ANKS1B: variants seen among roughly 807,000 people sequenced by gnomAD.
ANKS1B encodes ankyrin repeat and sterile alpha motif domain-containing protein 1B.
Under a neutral mutation model 148.3 loss-of-function variants are expected in ANKS1B, and 36 were observed. The ratio of observed to expected loss-of-function variants is 0.24; its 90% CI spans 0.19 to 0.32. The LOEUF (loss-of-function observed/expected upper bound fraction) is 0.32. Ranked by LOEUF, ANKS1B falls within the 10% of genes least tolerant of loss-of-function variation. The pLI is 1.00. For missense variants in ANKS1B, 1,157 were observed against 1,542.6 expected (o/e 0.75, Z 4.19); for synonymous variants, 542 against 560.8 (o/e 0.97, Z 0.47).
At chr12:99,867,581 G>A (rs1334515632) in intron 1 of ANKS1B, among the ~76,000 whole-genome samples, 1 of 152,110 alleles carries the variant, frequency 6.6e-6, no homozygotes, top group African/African-American at 2.4e-5. Context: ...AAAACCATCA[G>A]ATCTCACAAG....
At chr12:98,898,065 G>T (rs1174939424) in intron 17 of ANKS1B, among the ~76,000 whole-genome samples, 1 of 152,184 alleles carries the variant, frequency 6.6e-6, no homozygotes, top group East Asian at 1.9e-4. Context: ...AAGCAGGGAG[G>T]ATGGGAGGGG....
At position 99,457,332 on chromosome 12, in the gene ANKS1B, A is replaced by G. The variant is rs149907675; in HGVS notation, c.1439-13523T>C. 2.1e-4 allele frequency among the ~76,000 whole-genome samples: 32 copies of G among 152,162 alleles called. 1 individual carries two copies. The East Asian group carries it at 6.2e-3, about 29-fold the overall frequency. ...AAAATAGAATCTCCTTAAAGCACAAATCTCACAGGACCTATAAAACAACAA... is the reference window on the plus strand; with the variant it reads ...AAAATAGAATCTCCTTAAAGCACAAGTCTCACAGGACCTATAAAACAACAA... On this transcript the variant is annotated intron_variant, in intron 10 of 26. Transcript: ENST00000683438.
chr12:99,587,044 T>C (rs895421131), intron 9 of ANKS1B, among the ~76,000 whole-genome samples: 2 of 152,180 alleles, frequency 1.3e-5, no homozygotes, highest in African/African-American at 4.8e-5. Context: ...TGTACTCTAT[T>C]ATTGGTAATA....
At chr12:99,362,418 A>G (rs1444199481) in intron 12 of ANKS1B, among the ~76,000 whole-genome samples, 1 of 152,016 alleles carries the variant, frequency 6.6e-6, no homozygotes, top group Non-Finnish European at 1.5e-5. Context: ...TTAGAAACAT[A>G]AAATACATTG....
intron 14 of ANKS1B, among the ~76,000 whole-genome samples, chr12:99,168,674 C>A (rs1248923086): frequency 6.6e-6 from 1 of 152,114 alleles, no homozygotes; most frequent in Admixed American, 6.6e-5. Context: ...AGGGAACAAG[C>A]CATTCCAGCA....
chr12:99,752,988 T>C (rs778465720), intron 8 of ANKS1B, among the ~76,000 whole-genome samples: 7 of 152,122 alleles, frequency 4.6e-5, no homozygotes, highest in Non-Finnish European at 8.8e-5. Context: ...ATAAATAATA[T>C]ACTTTGAAAC....
chr12:98,943,669 G>A (rs781720012), intron 17 of ANKS1B, among the ~76,000 whole-genome samples: 7 of 152,124 alleles, frequency 4.6e-5, no homozygotes, highest in Non-Finnish European at 1.0e-4. Flanking sequence ...ACCTTTGTGT[G>A]ATTAAGCCCA....
chr12:99,174,581 T>C (rs370453936), intron 14 of ANKS1B, among the ~76,000 whole-genome samples: 218 of 152,268 alleles, frequency 1.4e-3, no homozygotes, highest in South Asian at 2.5e-3. Flanking sequence ...GGCATAAGAT[T>C]GCAAAGACTT....
chr12:99,950,113 A>ATTTT (rs35287842), intron 1 of ANKS1B, among the ~76,000 whole-genome samples: 7 of 90,548 alleles, frequency 7.7e-5, no homozygotes, highest in African/African-American at 2.0e-4. Flanking sequence ...TGCTCAGTTA[A>ATTTT]TTTTTTTTTT....
intron 12 of ANKS1B, among the ~76,000 whole-genome samples, chr12:99,316,052 T>G (rs147000995): frequency 0.017 from 2,633 of 152,336 alleles, 83 homozygotes; most frequent in African/African-American, 0.06. Context: ...TGCCACATTT[T>G]CTTTATTCAG....
intron 10 of ANKS1B, among the ~76,000 whole-genome samples, chr12:99,502,894 C>CA (rs2153001108): frequency 6.6e-6 from 1 of 152,264 alleles, no homozygotes; most frequent in South Asian, 2.1e-4. Context: ...TTCACTTGTA[C>CA]AAAATTCCCT....
At chr12:99,344,776 A>G (rs1037804121) in intron 12 of ANKS1B, 4 of 152,052 alleles carry the variant, frequency 2.6e-5, no homozygotes, top group Non-Finnish European at 5.9e-5. Context: ...TAATATTTCA[A>G]TTAGCTAAAA....
At chr12:99,123,940 T>G (rs1209001176) in intron 15 of ANKS1B, among the ~76,000 whole-genome samples, 1 of 152,064 alleles carries the variant, frequency 6.6e-6, no homozygotes, top group Non-Finnish European at 1.5e-5. Context: ...TGACACTCAA[T>G]TGTAACCATC....
intron 12 of ANKS1B, among the ~76,000 whole-genome samples, chr12:99,257,579 T>C (rs542204787): frequency 6.6e-6 from 1 of 152,272 alleles, no homozygotes; most frequent in African/African-American, 2.4e-5. Context: ...TATTTAAATA[T>C]TTTGTTTATA....
chr12:99,859,937 C>T (rs141776461), intron 1 of ANKS1B, among the ~76,000 whole-genome samples: 3 of 152,246 alleles, frequency 2.0e-5, no homozygotes, highest in African/African-American at 4.8e-5. Context: ...CATGGGCCAC[C>T]GCGCCCGGCC....
intron 15 of ANKS1B, chr12:99,093,419 G>A (rs1378587985): frequency 6.6e-6 from 1 of 152,238 alleles, no homozygotes; most frequent in Non-Finnish European, 1.5e-5. Flanking sequence ...GCAGTGCCTT[G>A]TCAAACGACC....
intron 1 of ANKS1B, among the ~76,000 whole-genome samples, chr12:99,965,351 C>T (rs1012536212): frequency 1.3e-5 from 2 of 151,948 alleles, no homozygotes; most frequent in African/African-American, 4.8e-5. Context: ...TGCATTATAA[C>T]CTAGGCAATA....
intron 22 of ANKS1B, among the ~76,000 whole-genome samples, chr12:98,785,934 G>A (rs906805652): frequency 1.3e-5 from 2 of 152,030 alleles, no homozygotes; most frequent in African/African-American, 2.4e-5. Flanking sequence ...GTTTTCTTTC[G>A]TTTCTAGTTG....
Position 99,339,582 on chromosome 12 carries a change from G to A in ANKS1B, c.1756+60049C>T, listed in dbSNP as rs61940252. ...GGTGGGGGAGTACAATCGCTGGAGG[G>A]TTCTATTCATCCACCTTGTTCCACT... On this transcript the variant is annotated intron_variant, in intron 12 of 26. Coordinates refer to ENST00000683438, the MANE Select transcript of ANKS1B (RefSeq NM_001352186.2). 6.0e-3 allele frequency among the ~76,000 whole-genome samples: 911 copies of A among 152,168 alleles called. 3 individuals are homozygous for A. Among genetic ancestry groups the A allele is most frequent in the Non-Finnish European group, 8.8e-3 (599 of 67,996 alleles).
Sources: allele counts gnomAD v4.1 joint callset (sites outside exome capture counted in the v4.1 genomes callset), GRCh38; gene constraint gnomAD v4.1.1; transcripts MANE v1.5; gene names NCBI Gene and HGNC (gene_info 2026-07-23, HGNC 2026-07-21).